Variants in DAPK2 observed in about 807,000 individuals in gnomAD.
DAPK2 encodes death-associated protein kinase 2.
A neutral mutation model predicts 44.1 loss-of-function variants in DAPK2; 35 were observed. That is an observed-to-expected ratio of 0.79 (90% confidence interval 0.61 to 1.05). The LOEUF (loss-of-function observed/expected upper bound fraction) is 1.05, where lower values mean the gene tolerates loss of function less well. DAPK2 is among the 50% of genes least tolerant of loss of function. DAPK2 has a pLI of 0.00. For synonymous variants in DAPK2, 174 were observed against 182.6 expected (o/e 0.95, Z 0.38); for missense variants, 453 against 483.2 (o/e 0.94, Z 0.59).
intron 2 of DAPK2, among the ~76,000 whole-genome samples, chr15:63,975,446 C>T (rs1373832112): frequency 6.6e-6 from 1 of 152,096 alleles, no homozygotes; most frequent in African/African-American, 2.4e-5. Context: ...TAAGGACTAA[C>T]ATTTTTCTAT....
At chr15:63,930,644 C>T (rs750187023) in intron 4 of DAPK2, among the ~76,000 whole-genome samples, 189 bp from the exon 6 acceptor site, 2 of 152,064 alleles carry the variant, frequency 1.3e-5, no homozygotes, top group South Asian at 2.1e-4. Context: ...AATGTTTGTG[C>T]GTCCCCAAAT....
chr15:64,038,544 G>A (rs2080271058), intron 1 of DAPK2, among the ~76,000 whole-genome samples: 1 of 152,116 alleles, frequency 6.6e-6, no homozygotes, highest in Admixed American at 6.5e-5. Flanking sequence ...ATTCCCCTCT[G>A]GGGTCTCTGC....
chr15:64,036,319 G>GTATATATATATATATA lies in DAPK2; in HGVS notation c.92+3835_92+3850dup, dbSNP rs57218056. On this transcript the variant is annotated intron_variant, in intron 1 of 10. Coordinates refer to ENST00000261891, the Ensembl canonical transcript of DAPK2. ...TGTGTGTGTGTGTGTGTATATATAT[G>GTATATATATATATATA]TATATATATATATATATACATATAT... 7.8e-4 allele frequency among the ~76,000 whole-genome samples: 44 copies of GTATATATATATATATA among 56,650 alleles called. 4 individuals are homozygous for GTATATATATATATATA. The highest frequency in any genetic ancestry group is 1.1e-3 in the Admixed American group (4 of 3,722). 37.2% of individuals were successfully genotyped at this position (56,650 alleles called of 152,430 possible).
rs766050711 is a variant in DAPK2, at chr15:63,923,642, G to A, written c.858+1174C>T. ...ACAAGCAGGCTGCAGCCAGGACTCC[G>A]CAGGCATCTGCGCAGGGCTGGAGCA... On this transcript the variant is annotated intron_variant, in intron 8 of 10. Coordinates refer to ENST00000261891, the Ensembl canonical transcript of DAPK2. This position sits in a 1 kb window ranked among gnomAD's most constrained non-coding sequence, Gnocchi z 4.2. Among the ~76,000 whole-genome samples the A allele has an allele frequency of 1.2e-4, 19 of 152,214 alleles. No homozygotes were observed. Among genetic ancestry groups the A allele is most frequent in the Non-Finnish European group, 2.2e-4 (15 of 68,034 alleles).
At chr15:64,017,974 C>T (rs927463416) in intron 1 of DAPK2, among the ~76,000 whole-genome samples, 1 of 152,112 alleles carries the variant, frequency 6.6e-6, no homozygotes, top group Non-Finnish European at 1.5e-5. Flanking sequence ...ATTCAAGGCA[C>T]GACTCTAGAG....
intron 1 of DAPK2, among the ~76,000 whole-genome samples, chr15:64,026,206 T>C (rs1361848143): frequency 6.6e-6 from 1 of 152,150 alleles, no homozygotes; most frequent in Non-Finnish European, 1.5e-5. Flanking sequence ...CTGGGGTGCT[T>C]TGCTACAGCT....
intron 1 of DAPK2, among the ~76,000 whole-genome samples, chr15:63,987,809 C>A (rs2078705877): frequency 6.6e-6 from 1 of 152,168 alleles, no homozygotes; most frequent in East Asian, 1.9e-4. Context: ...TAGTCAGAGC[C>A]CTACCACTAA....
At chr15:63,911,591 A>G (rs1302660421) in intron 10 of DAPK2, 1 of 373,888 alleles carries the variant, frequency 2.7e-6, no homozygotes, top group Non-Finnish European at 4.9e-6. Context: ...TTGGGTTATC[A>G]GAAATACATT....
chr15:63,953,214 A>T (rs1335426014), intron 3 of DAPK2, among the ~76,000 whole-genome samples: 3 of 149,834 alleles, frequency 2.0e-5, no homozygotes, highest in African/African-American at 7.4e-5. Flanking sequence ...TCCACTTATG[A>T]GTGAGAACAT....
intron 2 of DAPK2, among the ~76,000 whole-genome samples, chr15:63,976,176 C>T (rs1273523353): frequency 6.6e-6 from 1 of 152,186 alleles, no homozygotes; most frequent in African/African-American, 2.4e-5. Context: ...GCACTATCAA[C>T]AGAACTTTCT....
Position 63,929,596 on chromosome 15 carries a change from T to C in DAPK2, c.633-19A>G, listed in dbSNP as rs1362674438. The C allele has an allele frequency of 6.2e-7, 1 of 1,613,612 alleles. No individual in the cohort carries two copies. The highest frequency in any genetic ancestry group is 8.5e-7 in the Non-Finnish European group (1 of 1,179,912). On this transcript the variant is annotated intron_variant, in intron 5 of 10. Coordinates refer to ENST00000261891, the Ensembl canonical transcript of DAPK2. The stretch of plus-strand genomic sequence containing the variant: ...TATGCTCCTGCAAAATAAAGAACAG[T>C]CAAGTCAGGGCCACCTGGGTCCCAT...
At chr15:64,003,695 T>C (rs1383688748) in intron 1 of DAPK2, among the ~76,000 whole-genome samples, 1 of 152,228 alleles carries the variant, frequency 6.6e-6, no homozygotes, top group Non-Finnish European at 1.5e-5. Context: ...AACCTCTGTC[T>C]CCCAGGTTCA....
At chr15:63,998,613 G>A (rs2079008759) in intron 1 of DAPK2, among the ~76,000 whole-genome samples, 1 of 152,204 alleles carries the variant, frequency 6.6e-6, no homozygotes. Flanking sequence ...ATGCCCGGAG[G>A]AGACCCAGGG....
intron 2 of DAPK2, among the ~76,000 whole-genome samples, chr15:63,976,148 G>A (rs771867407): frequency 2.6e-5 from 4 of 152,246 alleles, no homozygotes; most frequent in Middle Eastern, 3.4e-3. Flanking sequence ...ACCTAAATCC[G>A]CTTAAGCCTC....
intron 2 of DAPK2, among the ~76,000 whole-genome samples, chr15:63,974,215 T>C (rs1322601183): frequency 6.6e-6 from 1 of 152,216 alleles, no homozygotes; most frequent in Non-Finnish European, 1.5e-5. Context: ...CTTGGGCTTA[T>C]TTATCCTGTC....
intron 6 of DAPK2, 90 bp from the exon 8 acceptor site, chr15:63,926,183 T>A (rs751781007): frequency 1.5e-5 from 22 of 1,442,918 alleles, no homozygotes; most frequent in Non-Finnish European, 1.9e-5. Flanking sequence ...CCATGACTGC[T>A]GCAGGGAGCT....
intron 3 of DAPK2, among the ~76,000 whole-genome samples, chr15:63,952,556 C>T (rs377053380): frequency 3.3e-5 from 5 of 152,004 alleles, no homozygotes; most frequent in African/African-American, 1.2e-4. Context: ...AAGAAAGGCC[C>T]GAGAATGTCA....
In DAPK2 at chr15:63,908,582, T is replaced by C. The variant is rs1425868241; in HGVS notation, c.1051A>G (p.Thr351Ala). 6.2e-7 allele frequency: 1 copy of C among 1,600,618 alleles called. No individual in the cohort carries two copies. The highest frequency in any genetic ancestry group is 1.3e-5 in the African/African-American group (1 of 74,726). ...TTCCTCCTGGCGATGTCCTCCTCAG[T>C]GTCACTCTCACAGTTCCTCTGGAGA... Residue 351 changes from threonine (T) to alanine (A), a missense_variant, in exon 11 of 11, where the codon ACT becomes GCT. Physicochemically the swap from Thr to Ala is moderately conservative, Grantham distance 58. Coordinates refer to ENST00000261891, the Ensembl canonical transcript of DAPK2. The surrounding 1 kb of genome is among the most constrained non-coding windows in gnomAD (Gnocchi z 5.7).
At position 63,916,409 on chromosome 15, in the gene DAPK2, C is replaced by T. The variant is rs2078928304; in HGVS notation, c.859-4212G>A. The T allele has an allele frequency of 6.6e-6, 1 of 152,614 alleles. No individual in the cohort carries two copies. 9.5% of individuals were successfully genotyped at this position (152,614 alleles called of 1,614,324 possible). The stretch of plus-strand genomic sequence containing the variant: ...CCCCATCTGTGCCATCTCTCCAGCC[C>T]CTTACTCCAGTGAAAGCCAGGGCAC... On this transcript the variant is annotated intron_variant, in intron 8 of 10. Coordinates refer to ENST00000261891, the Ensembl canonical transcript of DAPK2. This position sits in a 1 kb window ranked among gnomAD's most constrained non-coding sequence, Gnocchi z 4.7.
Sources: allele counts gnomAD v4.1 joint callset (sites outside exome capture counted in the v4.1 genomes callset), GRCh38; gene constraint gnomAD v4.1.1; non-coding constraint Gnocchi (gnomAD v3.1); transcripts MANE v1.5; gene names NCBI Gene and HGNC (gene_info 2026-07-23, HGNC 2026-07-21).